DACH1: variants seen among roughly 807,000 people sequenced by gnomAD.
The protein encoded by DACH1 is dachshund homolog 1.
A neutral mutation model predicts 54.2 loss-of-function variants in DACH1; 12 were observed. The ratio of observed to expected loss-of-function variants is 0.22; its 90% confidence interval spans 0.14 to 0.36. The LOEUF (loss-of-function observed/expected upper bound fraction) is 0.36. Among genes scored for constraint, DACH1 ranks in the 10% least tolerant of loss-of-function variants. The probability of loss-of-function intolerance (pLI) is 1.00; values close to 1 mark genes in which losing one functional copy is unlikely to be tolerated. For synonymous variants in DACH1, 386 were observed against 366.2 expected (o/e 1.05, Z -0.62); for missense variants, 805 against 929.8 (o/e 0.87, Z 1.75).
chr13:71,818,125 C>T (rs376241398), intron 1 of DACH1, among the ~76,000 whole-genome samples: 2 of 152,142 alleles, frequency 1.3e-5, no homozygotes, highest in African/African-American at 4.8e-5. Flanking sequence ...TTTCAAAGTA[C>T]ATTTATGTCT....
At chr13:71,449,889 G>C (rs1004108158) in intron 10 of DACH1, among the ~76,000 whole-genome samples, 1 of 145,216 alleles carries the variant, frequency 6.9e-6, no homozygotes, top group Non-Finnish European at 1.5e-5. Context: ...ATGGACACAG[G>C]AAGGGGAACA....
intron 10 of DACH1, among the ~76,000 whole-genome samples, chr13:71,447,171 A>C (rs544664488): frequency 2.0e-5 from 3 of 152,316 alleles, no homozygotes; most frequent in Non-Finnish European, 4.4e-5. Flanking sequence ...GTTTGTTACT[A>C]TGCAGATTTA....
intron 1 of DACH1, among the ~76,000 whole-genome samples, chr13:71,725,339 A>C (rs1271249707): frequency 1.3e-5 from 2 of 152,126 alleles, no homozygotes; most frequent in Non-Finnish European, 2.9e-5. Flanking sequence ...AATAGAAATT[A>C]ACCAAAATAT....
intron 4 of DACH1, among the ~76,000 whole-genome samples, chr13:71,572,073 G>C (rs1233727581): frequency 6.6e-6 from 1 of 152,016 alleles, no homozygotes; most frequent in Non-Finnish European, 1.5e-5. Context: ...GTCAAATAAT[G>C]ATCATGCAGC....
intron 1 of DACH1, among the ~76,000 whole-genome samples, chr13:71,729,357 G>T (rs1202265600): frequency 1.3e-5 from 2 of 151,952 alleles, no homozygotes; most frequent in African/African-American, 2.4e-5. Context: ...GATTTTAAGA[G>T]ATACTTATTT....
chr13:71,524,744 G>C (rs547451450), intron 6 of DACH1, among the ~76,000 whole-genome samples: 4 of 152,046 alleles, frequency 2.6e-5, no homozygotes, highest in Non-Finnish European at 5.9e-5. Flanking sequence ...TCCATCTCCG[G>C]AGGATTGCAA....
chr13:71,605,651 T>C (rs1004946214), intron 3 of DACH1, among the ~76,000 whole-genome samples: 1 of 151,998 alleles, frequency 6.6e-6, no homozygotes, highest in African/African-American at 2.4e-5. Flanking sequence ...CTCACAGCAA[T>C]TCATTAAAAG....
chr13:71,835,977 CTATT>C (rs998892550), intron 1 of DACH1, among the ~76,000 whole-genome samples: 1 of 151,958 alleles, frequency 6.6e-6, no homozygotes, highest in African/African-American at 2.4e-5. Flanking sequence ...TCACTGCAGG[CTATT>C]TACCAACTTG....
intron 1 of DACH1, among the ~76,000 whole-genome samples, chr13:71,743,253 A>G (rs770736394): frequency 2.6e-5 from 4 of 152,170 alleles, no homozygotes; most frequent in Non-Finnish European, 5.9e-5. Context: ...GTGAACCCCA[A>G]AGCAGAACAC....
At chr13:71,602,455 C>T (rs1173276320) in intron 3 of DACH1, among the ~76,000 whole-genome samples, 1 of 151,930 alleles carries the variant, frequency 6.6e-6, no homozygotes, top group African/African-American at 2.4e-5. Flanking sequence ...AAGCCATCTA[C>T]ACCCACTTTG....
chr13:71,686,673 G>A (rs1881182394), intron 1 of DACH1, among the ~76,000 whole-genome samples: 1 of 152,128 alleles, frequency 6.6e-6, no homozygotes, highest in African/African-American at 2.4e-5. Flanking sequence ...AGTAGTTTTT[G>A]AGAAATTAAG....
chr13:71,818,315 T>C, intron 1 of DACH1, among the ~76,000 whole-genome samples: 1 of 152,126 alleles, frequency 6.6e-6, no homozygotes, highest in Non-Finnish European at 1.5e-5. Flanking sequence ...AGGTTGTCTG[T>C]GAAGGTCACT....
chr13:71,826,503 C>T (rs1033066727), intron 1 of DACH1, among the ~76,000 whole-genome samples: 2 of 152,010 alleles, frequency 1.3e-5, no homozygotes, highest in African/African-American at 2.4e-5. Context: ...TTCCTAGGAA[C>T]ATCTATAACC....
chr13:71,726,023 T>G (rs191136462), intron 1 of DACH1, among the ~76,000 whole-genome samples: 1 of 152,238 alleles, frequency 6.6e-6, no homozygotes, highest in Admixed American at 6.5e-5. Flanking sequence ...CTTTAATCAT[T>G]AATGAACACA....
At chr13:71,458,879 G>T (rs569815883) in intron 10 of DACH1, among the ~76,000 whole-genome samples, 1 of 151,780 alleles carries the variant, frequency 6.6e-6, no homozygotes, top group Non-Finnish European at 1.5e-5. Context: ...TATTTTATTA[G>T]AAGTATTTGT....
intron 1 of DACH1, among the ~76,000 whole-genome samples, chr13:71,853,135 A>G (rs1331150856): frequency 1.3e-5 from 2 of 152,168 alleles, no homozygotes; most frequent in Non-Finnish European, 2.9e-5. Flanking sequence ...ATTTCTGAAG[A>G]AAATCAATTT....
At chr13:71,501,714 A>G (rs1879929930) in intron 6 of DACH1, among the ~76,000 whole-genome samples, 1 of 152,168 alleles carries the variant, frequency 6.6e-6, no homozygotes, top group South Asian at 2.1e-4. Context: ...GATTCTATTA[A>G]CTTATAACTT....
chr13:71,864,252 A>G (rs932178716), intron 1 of DACH1, among the ~76,000 whole-genome samples: 2 of 151,408 alleles, frequency 1.3e-5, no homozygotes, highest in African/African-American at 4.9e-5. Context: ...TCAAAGCCCA[A>G]ACACACCCAA....
At chr13:71,506,462 G>A (rs1880333602) in intron 6 of DACH1, among the ~76,000 whole-genome samples, 1 of 151,682 alleles carries the variant, frequency 6.6e-6, no homozygotes, top group South Asian at 2.1e-4. Context: ...CAAAGGACAT[G>A]AACTCATCAT....
Sources: gnomAD v4.1 joint callset for allele counts (sites outside exome capture counted in the v4.1 genomes callset) on GRCh38, gnomAD v4.1.1 for gene constraint, MANE v1.5 for transcripts, NCBI Gene and HGNC (gene_info 2026-07-23, HGNC 2026-07-21) for gene names.